SYNE2: variants seen among roughly 807,000 people sequenced by gnomAD.
The protein encoded by SYNE2 is nesprin-2.
In SYNE2, 431 loss-of-function variants were observed where a neutral mutation model predicts 856.3. The observed-to-expected ratio is 0.50, with a 90% CI of 0.47 to 0.55. SYNE2 has a LOEUF of 0.55. Ranked by LOEUF, SYNE2 falls within the 20% of genes least tolerant of loss-of-function variation. The probability of loss-of-function intolerance (pLI) is 0.00; values close to 1 mark genes in which losing one functional copy is unlikely to be tolerated. For missense variants in SYNE2, 8,129 were observed against 8,023.2 expected, an observed-to-expected ratio of 1.01 and a Z score of -0.50; for synonymous variants, 2,923 against 2,872.3, an observed-to-expected ratio of 1.02 and a Z score of -0.56.
rs1401981271 is a variant in SYNE2, at chr14:63,834,006, A to G, written c.-304-18495A>G. On this transcript the variant is annotated intron_variant, in intron 1 of 23. Coordinates refer to the SYNE2 transcript ENST00000674003. ...ACCTAGTAAGAATGATAAATGTACCAACATAGAATCCTGTCCTATGGAACA... is the reference window on the plus strand; with the variant it reads ...ACCTAGTAAGAATGATAAATGTACCGACATAGAATCCTGTCCTATGGAACA... Among the ~76,000 whole-genome samples, 3 of 152,192 alleles carry G rather than the reference A, an allele frequency of 2.0e-5. No homozygotes were observed. The East Asian group carries it at 5.8e-4, about 29-fold the overall frequency.
chr14:63,879,090 A>G (rs996373585), intron 1 of SYNE2, among the ~76,000 whole-genome samples: 5 of 152,140 alleles, frequency 3.3e-5, no homozygotes, highest in Admixed American at 2.0e-4. Flanking sequence ...TAAGGAGTTT[A>G]CAGGAGCACA....
chr14:64,119,527 C>T lies in SYNE2; in HGVS notation c.12941C>T (p.Ala4314Val), dbSNP rs769993001. The change falls in exon 67 of 116, where the codon GCG becomes GTG. Residue 4314 changes from alanine to valine, a missense_variant. By Grantham distance (64) the Ala-to-Val change is moderately conservative. Transcript: ENST00000555002. ...DNGATQHEAEALSLKLKTVKC... is the reference protein window; with the variant it reads ...DNGATQHEAEVLSLKLKTVKC... ...GGAGCCACTCAACATGAGGCTGAAGCGCTTTCCCTGAAACTGAAAACAGTG... is the reference window on the plus strand; with the variant it reads ...GGAGCCACTCAACATGAGGCTGAAGTGCTTTCCCTGAAACTGAAAACAGTG... The T allele has an allele frequency of 2.4e-5, 38 of 1,614,056 alleles. No individual in the cohort carries two copies. The Admixed American group carries it at 2.7e-4, about 11-fold the overall frequency.
chr14:64,190,782 A>G (rs2098514593), intron 99 of SYNE2: 2 of 658,540 alleles, frequency 3.0e-6, no homozygotes, highest in African/African-American at 1.8e-5. Flanking sequence ...CCAGTCCTAA[A>G]TCAAAGGACC....
chr14:64,037,996 C>A (rs1443524297), intron 45 of SYNE2, among the ~76,000 whole-genome samples: 1 of 151,970 alleles, frequency 6.6e-6, no homozygotes, highest in Non-Finnish European at 1.5e-5. Flanking sequence ...ACGCTCCTCA[C>A]TTCCCAGACG....
intron 41 of SYNE2, 125 bp from the exon 42 acceptor site, chr14:64,026,454 A>G (rs912203011): frequency 3.6e-5 from 27 of 758,084 alleles, no homozygotes; most frequent in Non-Finnish European, 5.7e-5. Flanking sequence ...TATAAAAATG[A>G]AAAGATTATG....
intron 1 of SYNE2, among the ~76,000 whole-genome samples, chr14:63,904,238 C>T (rs1266128322): frequency 1.3e-5 from 2 of 152,122 alleles, no homozygotes. Context: ...GGAACCCAGG[C>T]TGAATCCATG....
At chr14:64,026,384 C>T (rs2096978731) in intron 41 of SYNE2, among the ~76,000 whole-genome samples, 195 bp from the exon 42 acceptor site, 1 of 151,978 alleles carries the variant, frequency 6.6e-6, no homozygotes, top group African/African-American at 2.4e-5. Context: ...CTCAAACTGA[C>T]AAATATTTAT....
chr14:64,121,150 G>A, intron 68 of SYNE2, 89 bp downstream of exon 68: 1 of 1,570,218 alleles, frequency 6.4e-7, no homozygotes, highest in Non-Finnish European at 8.7e-7. Flanking sequence ...AGCTACTTGG[G>A]AGGCTGAGGT....
chr14:63,779,422 C>T (rs1259128249), intron 1 of SYNE2, among the ~76,000 whole-genome samples: 1 of 142,234 alleles, frequency 7.0e-6, no homozygotes, highest in East Asian at 2.0e-4. Context: ...CTTCTCACTA[C>T]TGCGCTTGAC....
rs372265519 is a variant in SYNE2 at position 64,165,273 on chromosome 14, C to A, written c.16480-12C>A. The A allele has an allele frequency of 3.7e-6, 6 of 1,612,738 alleles. No individual in the cohort carries two copies. The African/African-American group carries it at 8.0e-5, about 22-fold the overall frequency. On this transcript the variant is annotated splice_polypyrimidine_tract_variant and intron_variant, in intron 89 of 115. Transcript: ENST00000555002. ...TGAAAATAGTTTCTAATGAAAATTT[C>A]TCTTGTTCTAGTTTGTTCTCTCACA...
rs552797301 is a variant in SYNE2 at position 64,132,693 on chromosome 14, G to A, written c.14514+255G>A. 4.6e-5 allele frequency among the ~76,000 whole-genome samples: 7 copies of A among 152,256 alleles called. No individual in the cohort carries two copies. In the South Asian group the frequency reaches 8.3e-4, roughly 18 times the overall value. On this transcript the variant is annotated intron_variant, in intron 77 of 115. Transcript: ENST00000555002. ...AGGTTCATGTATGAATAAGCAAAAC[G>A]ATAAGCACTTTGAGACCTTGAATGA...
chr14:64,173,119 T>G (rs2098418752), intron 94 of SYNE2, among the ~76,000 whole-genome samples: 2 of 152,142 alleles, frequency 1.3e-5, no homozygotes, highest in Admixed American at 1.3e-4. Context: ...GATAAAGGAC[T>G]TCAGCTTCTG....
intron 6 of SYNE2, among the ~76,000 whole-genome samples, chr14:63,944,608 C>G (rs2095990989): frequency 6.9e-6 from 1 of 145,376 alleles, no homozygotes; most frequent in Admixed American, 7.0e-5. Context: ...ACTGCAACCT[C>G]CACCTCCTGG....
chr14:63,834,626 C>T (rs1222618364), intron 1 of SYNE2, among the ~76,000 whole-genome samples: 1 of 148,778 alleles, frequency 6.7e-6, no homozygotes, highest in Non-Finnish European at 1.5e-5. Context: ...CTGCATTTGT[C>T]CAATTTCTTT....
chr14:63,981,301 T>G (rs1428250557), intron 16 of SYNE2, 128 bp downstream of exon 16: 3 of 823,672 alleles, frequency 3.6e-6, no homozygotes, highest in African/African-American at 3.5e-5. Flanking sequence ...TTCTTCAAGG[T>G]CTTGGAAAGA....
chr14:64,018,477 C>T (rs2096911728), intron 34 of SYNE2, among the ~76,000 whole-genome samples: 2 of 152,154 alleles, frequency 1.3e-5, no homozygotes, highest in South Asian at 4.1e-4. Context: ...CTCCTGACCT[C>T]GTGATCCGCC....
intron 7 of SYNE2, among the ~76,000 whole-genome samples, chr14:63,953,524 A>G (rs1462763044): frequency 3.0e-4 from 20 of 66,220 alleles, no homozygotes; most frequent in Non-Finnish European, 6.4e-4. Context: ...ATTGATAAAT[A>G]GATAGATAGA....
At chr14:64,194,924 G>A (rs1255991) in intron 99 of SYNE2, among the ~76,000 whole-genome samples, 80,722 of 151,920 alleles carry the variant, frequency 0.53, 23,817 homozygotes, top group African/African-American at 0.8. Flanking sequence ...TAAAAACCCA[G>A]TAGTTGAACT....
Position 64,211,919 on chromosome 14 carries a change from T to C in SYNE2, c.18724-42T>C, listed in dbSNP as rs369110774. On this transcript the variant is annotated intron_variant, in intron 103 of 115. Coordinates refer to ENST00000555002, the MANE Select transcript of SYNE2 (RefSeq NM_182914.3). Reference sequence around the variant, plus strand: ...CCTTGCTGTCTGTCTGAACTCTTGTTCCGTGGTCAGTAGAAATGTGATTTC... The same window carrying C: ...CCTTGCTGTCTGTCTGAACTCTTGTCCCGTGGTCAGTAGAAATGTGATTTC... 23 of 1,613,708 alleles carry C rather than the reference T, an allele frequency of 1.4e-5. No individual in the cohort carries two copies. In the African/African-American group the frequency reaches 2.9e-4, roughly 21 times the overall value.
Sources: allele counts gnomAD v4.1 joint callset (sites outside exome capture counted in the v4.1 genomes callset), GRCh38; gene constraint gnomAD v4.1.1; transcripts MANE v1.5; gene names NCBI Gene and HGNC (gene_info 2026-07-23, HGNC 2026-07-21).